C7orf57: variants seen among roughly 807,000 people sequenced by gnomAD.
C7orf57 encodes the protein chromosome 7 open reading frame 57.
C7orf57 carries 33 observed loss-of-function variants against 39.0 expected under a neutral mutation model. The observed-to-expected ratio is 0.85, with a 90% CI of 0.64 to 1.13. C7orf57 has a LOEUF of 1.13. C7orf57 is among the 50% of genes most tolerant of loss of function. The pLI is 0.00. For synonymous variants in C7orf57, 124 were observed against 137.1 expected (o/e 0.90, Z 0.67); for missense variants, 346 against 362.3 (o/e 0.95, Z 0.37).
At chr7:48,051,813 TC>T (rs1286637248) in intron 6 of C7orf57, among the ~76,000 whole-genome samples, 2 of 74,490 alleles carry the variant, frequency 2.7e-5, no homozygotes, top group Admixed American at 1.4e-4. Flanking sequence ...CTTCCTTTTC[TC>T]TTCTCTTTCT....
rs547810260 is a variant in C7orf57, at chr7:48,049,057, G to C, written c.508-823G>C. ...CCGGGCTGAAAGATGTCTGCACCAA[G>C]ATAACCTCCCCTCCTCCCAGAGAGA... On this transcript the variant is annotated intron_variant, in intron 5 of 8. Coordinates refer to ENST00000348904, the MANE Select transcript of C7orf57 (RefSeq NM_001100159.3). 1.4e-4 allele frequency among the ~76,000 whole-genome samples: 22 copies of C among 152,174 alleles called. 1 individual carries two copies. In the South Asian group the frequency reaches 4.4e-3, roughly 30 times the overall value.
intron 6 of C7orf57, among the ~76,000 whole-genome samples, chr7:48,051,831 C>CTTTCTT (rs1790932203): frequency 2.2e-5 from 1 of 44,584 alleles, no homozygotes; most frequent in Non-Finnish European, 4.5e-5. Flanking sequence ...TTCTTTCTTT[C>CTTTCTT]TTTCTTTCTT....
chr7:48,060,017 T>C (rs565180252), intron 8 of C7orf57, among the ~76,000 whole-genome samples: 1 of 152,356 alleles, frequency 6.6e-6, no homozygotes, highest in East Asian at 1.9e-4. Context: ...TGGGGCATTC[T>C]CTTCTGGTCT....
intron 8 of C7orf57, 145 bp downstream of exon 8, chr7:48,054,751 CT>C: frequency 1.1e-5 from 7 of 640,840 alleles, no homozygotes; most frequent in Non-Finnish European, 1.9e-5. Context: ...GACTACAAAG[CT>C]TGTGCCATGT....
chr7:48,041,558 C>T lies in C7orf57; in HGVS notation c.241+39C>T, dbSNP rs572013003. ...TGCCCTGTTCAGTGTGGCAGCCTCG[C>T]GGGCGGTGAGGGGGGCGTTTGTTCC... On this transcript the variant is annotated intron_variant, in intron 3 of 8. Transcript: ENST00000348904. 1.9e-4 allele frequency: 284 copies of T among 1,486,846 alleles called. 2 individuals are homozygous for T. The South Asian group carries it at 3.3e-3, about 17-fold the overall frequency. The allele number at this position is 1,486,846 out of a possible 1,614,324, so 92.1% of individuals were successfully genotyped here.
At chr7:48,042,756 C>T (rs1790588040) in intron 3 of C7orf57, among the ~76,000 whole-genome samples, 1 of 152,078 alleles carries the variant, frequency 6.6e-6, no homozygotes, top group South Asian at 2.1e-4. Context: ...TCTGCTACTG[C>T]CACAGGCACT....
In C7orf57 at chr7:48,052,911, G is replaced by T; in HGVS notation, c.817G>T (p.Glu273Ter). 1 of 1,613,502 alleles carries T rather than the reference G, an allele frequency of 6.2e-7. No individual in the cohort carries two copies. The highest frequency in any genetic ancestry group is 8.5e-7 in the Non-Finnish European group (1 of 1,179,520). The change falls in exon 7 of 9, where the codon GAG (glutamate) becomes TAG (stop). Residue 273 changes from glutamate (E) to a stop codon, truncating the protein, a stop_gained. Coordinates refer to ENST00000348904, the MANE Select transcript of C7orf57 (RefSeq NM_001100159.3). LOFTEE classifies it high-confidence loss of function. ...GGATGCAGAGGCTTCTGAAGGTCCT[G>T]AGGACACCCCAGGTGAGGCACAAGC... Reference protein sequence around the residue: ...LQDAEASEGPEDTPESSQSPE... With the variant: ...LQDAEASEGP
intron 7 of C7orf57, among the ~76,000 whole-genome samples, chr7:48,054,356 G>A (rs1791047554): frequency 6.6e-6 from 1 of 150,560 alleles, no homozygotes; most frequent in African/African-American, 2.5e-5. Flanking sequence ...GGAGGTTGCG[G>A]TGAGCCGAGA....
chr7:48,040,766 A>G (rs1790525188), intron 2 of C7orf57, among the ~76,000 whole-genome samples: 1 of 151,332 alleles, frequency 6.6e-6, no homozygotes, highest in Middle Eastern at 3.4e-3. Flanking sequence ...CTCTTTGACC[A>G]CTCCCCAGTC....
chr7:48,036,052 G>T (rs1472461711), intron 1 of C7orf57, among the ~76,000 whole-genome samples, 156 bp from the exon 2 acceptor site: 1 of 151,952 alleles, frequency 6.6e-6, no homozygotes, highest in African/African-American at 2.4e-5. Flanking sequence ...ATACCGGCGT[G>T]ATGTGCTCCC....
In C7orf57 at chr7:48,060,606, G is replaced by T. The variant is rs1320370287; in HGVS notation, c.*334G>T. On this transcript the variant is annotated 3_prime_UTR_variant, in exon 9 of 9. Coordinates refer to ENST00000348904, the MANE Select transcript of C7orf57 (RefSeq NM_001100159.3). ...CCACTCTTAGCAGGCATTGCTACTG[G>T]ATTCTTAACTAGAGAAAACTTACAG... 1 of 181,956 alleles carries T rather than the reference G, an allele frequency of 5.5e-6. No homozygotes were observed. Among genetic ancestry groups the T allele is most frequent in the East Asian group, 1.4e-4 (1 of 7,396 alleles). 11.3% of individuals were successfully genotyped at this position (181,956 alleles called of 1,614,324 possible). A position where few individuals can be genotyped will look rare whatever the true frequency, so the allele number is the denominator to read the frequency against.
chr7:48,043,742 A>T (rs6978838), intron 4 of C7orf57, among the ~76,000 whole-genome samples, 153 bp downstream of exon 4: 69,142 of 152,018 alleles, frequency 0.45, 16,210 homozygotes, highest in Middle Eastern at 0.57. Flanking sequence ...TCTTTGAGGG[A>T]TGTAGCCTAA....
Position 48,046,511 on chromosome 7 carries a change from C to G in C7orf57, c.402C>G (p.Pro134=). The change falls in exon 5 of 9, where the codon CCC becomes CCG. Residue 134 remains proline, a synonymous_variant. Coordinates refer to ENST00000348904, the MANE Select transcript of C7orf57 (RefSeq NM_001100159.3). ...PDYMVHEEFN[P]DQANGSYASR... is the part of the protein sequence containing the mutation. ...ACATGGTTCATGAAGAATTTAACCC[C>G]GATCAAGCCAATGGTAGCTATGCAT... 1 of 1,613,794 alleles carries G rather than the reference C, an allele frequency of 6.2e-7. No individual in the cohort carries two copies. The highest frequency in any genetic ancestry group is 8.5e-7 in the Non-Finnish European group (1 of 1,179,828).
At position 48,036,276 on chromosome 7, in the gene C7orf57, T is replaced by C; in HGVS notation, c.-33T>C. ...CCCGCGAACACCAGGTCCGGCAGCATCTGTCTTTTCCCGCAGCGTGCAGCG... is the reference window on the plus strand; with the variant it reads ...CCCGCGAACACCAGGTCCGGCAGCACCTGTCTTTTCCCGCAGCGTGCAGCG... On this transcript the variant is annotated 5_prime_UTR_variant, in exon 2 of 9. Coordinates refer to ENST00000348904, the MANE Select transcript of C7orf57 (RefSeq NM_001100159.3). 6.4e-7 allele frequency: 1 copy of C among 1,563,550 alleles called. No individual in the cohort carries two copies. The highest frequency in any genetic ancestry group is 8.7e-7 in the Non-Finnish European group (1 of 1,153,870).
chr7:48,047,443 C>T (rs949298381), intron 5 of C7orf57, among the ~76,000 whole-genome samples: 12 of 152,198 alleles, frequency 7.9e-5, no homozygotes, highest in African/African-American at 2.4e-4. Flanking sequence ...TGTGTCTCAG[C>T]GTACGTGGAA....
At chr7:48,048,267 C>T (rs1396017157) in intron 5 of C7orf57, among the ~76,000 whole-genome samples, 1 of 152,206 alleles carries the variant, frequency 6.6e-6, no homozygotes, top group African/African-American at 2.4e-5. Context: ...ACAACACCAT[C>T]ACCGCTTTGG....
chr7:48,049,963 C>G lies in C7orf57; in HGVS notation c.591C>G (p.Leu197=). 5 of 1,610,032 alleles carry G rather than the reference C, an allele frequency of 3.1e-6. No homozygotes were observed. The highest frequency in any genetic ancestry group is 3.3e-4 in the Middle Eastern group (2 of 6,062). The change falls in exon 6 of 9, where the codon CTC becomes CTG. Residue 197 remains leucine (L), a synonymous_variant. Transcript: ENST00000348904. ...CTAAGAATCCTGCAGGAAGTAGACT[C>G]TCCTTCCCCCCCGTGTAAGTGCTTG... ...LGPKNPAGSR[L]SFPPVPGQKN...
Position 48,056,231 on chromosome 7 carries a change from G to A in C7orf57, c.841+1625G>A, listed in dbSNP as rs184452374. Among the ~76,000 whole-genome samples the A allele has an allele frequency of 2.5e-3, 385 of 152,020 alleles. 1 individual carries two copies. The highest frequency in any genetic ancestry group is 4.2e-3 in the Non-Finnish European group (283 of 67,930). ...GATGATAGTGATTTTGAGCTTTTTT[G>A]TATATACCTGTTGGCCATTTGCATG... On this transcript the variant is annotated intron_variant, in intron 8 of 8. Transcript: ENST00000348904.
At chr7:48,036,973 A>G (rs1790389418) in intron 2 of C7orf57, among the ~76,000 whole-genome samples, 1 of 151,840 alleles carries the variant, frequency 6.6e-6, no homozygotes, top group Admixed American at 6.6e-5. Flanking sequence ...TATTTGTGAA[A>G]GGCTGTAGGA....
Sources: gnomAD v4.1 joint callset for allele counts (sites outside exome capture counted in the v4.1 genomes callset) on GRCh38, gnomAD v4.1.1 for gene constraint, MANE v1.5 for transcripts, NCBI Gene and HGNC (gene_info 2026-07-23, HGNC 2026-07-21) for gene names.